Variants in CADPS2 observed in about 807,000 individuals in gnomAD.
The protein encoded by CADPS2 is calcium dependent secretion activator 2.
In CADPS2, 93 loss-of-function variants were observed where a neutral mutation model predicts 172.5. The observed-to-expected ratio is 0.54, with a 90% CI of 0.46 to 0.64. The LOEUF (loss-of-function observed/expected upper bound fraction) is 0.64, where lower values mean the gene tolerates loss of function less well. Ranked by LOEUF, CADPS2 falls within the 30% of genes least tolerant of loss-of-function variation. The pLI, the probability that CADPS2 is intolerant of heterozygous loss-of-function variation, is 0.00. For synonymous variants in CADPS2, 546 were observed against 555.2 expected (o/e 0.98, Z 0.23); for missense variants, 1,420 against 1,565.9 (o/e 0.91, Z 1.57).
At chr7:122,696,111 T>C (rs1209392881) in intron 2 of CADPS2, among the ~76,000 whole-genome samples, 1 of 152,142 alleles carries the variant, frequency 6.6e-6, no homozygotes, top group Admixed American at 6.5e-5. Context: ...TCCGCTGCTA[T>C]CCTCTAGTGG....
At chr7:122,595,864 A>C (rs970599453) in intron 6 of CADPS2, among the ~76,000 whole-genome samples, 23 of 152,078 alleles carry the variant, frequency 1.5e-4, no homozygotes, top group Non-Finnish European at 2.9e-4. Context: ...AAGAGCCAAA[A>C]ACACCAGGCA....
At chr7:122,412,282 C>T (rs144563955) in intron 19 of CADPS2, among the ~76,000 whole-genome samples, 5 of 152,048 alleles carry the variant, frequency 3.3e-5, no homozygotes, top group African/African-American at 7.2e-5. Context: ...TCTAGTTGGT[C>T]GACAGGAAAT....
intron 19 of CADPS2, chr7:122,409,755 G>A (rs1011664246): frequency 1.2e-5 from 5 of 401,094 alleles, no homozygotes; most frequent in African/African-American, 1.0e-4. Context: ...TCCCACCCTG[G>A]GTTGGTAGGA....
chr7:122,518,153 C>T (rs2060514166), intron 8 of CADPS2, among the ~76,000 whole-genome samples: 1 of 151,888 alleles, frequency 6.6e-6, no homozygotes, highest in Non-Finnish European at 1.5e-5. Flanking sequence ...ACATGAGTTA[C>T]TCTATATAGA....
At chr7:122,762,013 A>ATAT (rs1471392742) in intron 1 of CADPS2, among the ~76,000 whole-genome samples, 2 of 98,010 alleles carry the variant, frequency 2.0e-5, no homozygotes, top group African/African-American at 3.8e-5. Flanking sequence ...AAAAAAAAAA[A>ATAT]ATATATATAT....
At chr7:122,507,110 A>T (rs1437819998) in intron 9 of CADPS2, among the ~76,000 whole-genome samples, 1 of 152,208 alleles carries the variant, frequency 6.6e-6, no homozygotes, top group Non-Finnish European at 1.5e-5. Flanking sequence ...AATGTAAAAA[A>T]AATTTAATTG....
chr7:122,662,880 G>T (rs1021159220), intron 3 of CADPS2, among the ~76,000 whole-genome samples: 1 of 152,110 alleles, frequency 6.6e-6, no homozygotes, highest in Non-Finnish European at 1.5e-5. Flanking sequence ...ATTTTGCAGT[G>T]AGAAATACCT....
At chr7:122,673,945 A>C (rs1166051659) in intron 2 of CADPS2, among the ~76,000 whole-genome samples, 1 of 150,982 alleles carries the variant, frequency 6.6e-6, no homozygotes, top group East Asian at 2.0e-4. Flanking sequence ...GAGCTAGGGC[A>C]TGGCGGGCTG....
intron 17 of CADPS2, among the ~76,000 whole-genome samples, chr7:122,431,798 G>C (rs1285593725): frequency 6.6e-6 from 1 of 151,984 alleles, no homozygotes; most frequent in Non-Finnish European, 1.5e-5. Flanking sequence ...AGACCAGCCT[G>C]GCCAGCATGG....
At chr7:122,508,964 T>G (rs2059823437) in intron 9 of CADPS2, among the ~76,000 whole-genome samples, 1 of 152,178 alleles carries the variant, frequency 6.6e-6, no homozygotes, top group Admixed American at 6.6e-5. Context: ...GTTTGTAAAT[T>G]TTAATCCCAT....
intron 8 of CADPS2, among the ~76,000 whole-genome samples, chr7:122,520,878 C>A (rs2060733553): frequency 2.0e-5 from 3 of 152,016 alleles, no homozygotes; most frequent in Admixed American, 1.3e-4. Context: ...GATGAAAAAT[C>A]ATCACTAATG....
intron 28 of CADPS2, among the ~76,000 whole-genome samples, chr7:122,337,295 T>C (rs1267955179): frequency 6.6e-6 from 1 of 152,218 alleles, no homozygotes. Flanking sequence ...AATTAGCTGA[T>C]TCTACCAGAC....
At chr7:122,522,084 C>CTT (rs901368132) in intron 8 of CADPS2, among the ~76,000 whole-genome samples, 20 of 151,858 alleles carry the variant, frequency 1.3e-4, no homozygotes, top group African/African-American at 4.8e-4. Flanking sequence ...GCTGATCATT[C>CTT]TTTTTTTTCT....
intron 2 of CADPS2, among the ~76,000 whole-genome samples, chr7:122,729,750 C>T (rs935238487): frequency 3.0e-4 from 45 of 148,762 alleles, no homozygotes; most frequent in African/African-American, 1.0e-3. Flanking sequence ...TCCCATCTTC[C>T]CCCTTCTACA....
At chr7:122,435,976 A>G (rs2050591618) in intron 17 of CADPS2, among the ~76,000 whole-genome samples, 1 of 152,104 alleles carries the variant, frequency 6.6e-6, no homozygotes, top group Admixed American at 6.6e-5. Context: ...AGAAGAGAAC[A>G]TGAAGCGGTA....
At chr7:122,724,404 A>T (rs777787248) in intron 2 of CADPS2, among the ~76,000 whole-genome samples, 13 of 152,036 alleles carry the variant, frequency 8.6e-5, no homozygotes, top group Non-Finnish European at 1.6e-4. Flanking sequence ...AAGCCATGGT[A>T]TCCTGCTCTG....
chr7:122,679,265 T>TGGGGGGGG (rs59410664), intron 2 of CADPS2, among the ~76,000 whole-genome samples: 2 of 39,226 alleles, frequency 5.1e-5, no homozygotes, highest in African/African-American at 1.4e-4. Flanking sequence ...AATGCATTCC[T>TGGGGGGGG]GGGGGGGGGG....
chr7:122,499,434 T>G (rs1247869629), intron 9 of CADPS2, among the ~76,000 whole-genome samples: 1 of 151,938 alleles, frequency 6.6e-6, no homozygotes, highest in Non-Finnish European at 1.5e-5. Flanking sequence ...TCTCTAAAGT[T>G]TTTCTTTTTT....
chr7:122,457,192 G>A (rs896926173), intron 14 of CADPS2, among the ~76,000 whole-genome samples: 1 of 152,094 alleles, frequency 6.6e-6, no homozygotes, highest in Non-Finnish European at 1.5e-5. Context: ...AAGAGAAAAA[G>A]GGTACAAAAC....
Sources: allele counts gnomAD v4.1 joint callset (sites outside exome capture counted in the v4.1 genomes callset), GRCh38; gene constraint gnomAD v4.1.1; transcripts MANE v1.5; gene names NCBI Gene and HGNC (gene_info 2026-07-23, HGNC 2026-07-21).